The following CAPN2 variants were observed in gnomAD, a reference collection of about 807,000 sequenced individuals.
The protein encoded by CAPN2 is calpain-2 catalytic subunit.
A neutral mutation model predicts 102.3 loss-of-function variants in CAPN2; 92 were observed. The observed-to-expected ratio is 0.90, with a 90% CI of 0.76 to 1.07. CAPN2 has a LOEUF of 1.07. CAPN2 is among the 50% of genes least tolerant of loss of function. CAPN2 has a pLI of 0.00. For synonymous variants in CAPN2, 340 were observed against 355.4 expected (o/e 0.96, Z 0.49); for missense variants, 800 against 909.4 (o/e 0.88, Z 1.55).
chr1:223,712,580 C>A lies in CAPN2; in HGVS notation c.-61C>A, dbSNP rs545286774. 9.1e-6 allele frequency: 13 copies of A among 1,425,470 alleles called. No homozygotes were observed. The highest frequency in any genetic ancestry group is 1.2e-5 in the Non-Finnish European group (13 of 1,090,546). 88.3% of individuals were successfully genotyped at this position (1,425,470 alleles called of 1,614,324 possible). On this transcript the variant is annotated 5_prime_UTR_variant, in exon 1 of 21. Coordinates refer to ENST00000295006, the MANE Select transcript of CAPN2 (RefSeq NM_001748.5). Reference sequence around the variant, plus strand: ...CGCCGGGCCCTGGCCGCGCCCCAGCCGAGCGCAGCGCGGAGTCGCCCCGAC... The same window carrying A: ...CGCCGGGCCCTGGCCGCGCCCCAGCAGAGCGCAGCGCGGAGTCGCCCCGAC...
At chr1:223,749,235 C>G in intron 6 of CAPN2, 113 bp downstream of exon 6, 1 of 883,884 alleles carries the variant, frequency 1.1e-6, no homozygotes, top group Non-Finnish European at 1.8e-6. Flanking sequence ...CCAGTTTACA[C>G]TCGGGCCCCG....
intron 4 of CAPN2, 145 bp from the exon 5 acceptor site, chr1:223,746,851 AC>A: frequency 1.7e-6 from 1 of 577,172 alleles, no homozygotes; most frequent in Non-Finnish European, 2.9e-6. Flanking sequence ...CTTCCTGAGC[AC>A]CCCGAGCTGG....
rs1382399761 is a variant in CAPN2, at chr1:223,759,455, C to A, written c.1503C>A (p.Val501=). ...PNKDGDFCIR[V]FSEKKADYQA... ...AGGATGGGGATTTCTGCATCCGGGT[C>A]TTTTCTGAAAAGAAAGCTGACTACC... Residue 501 remains valine (V), a synonymous_variant, in exon 12 of 21, where the codon GTC becomes GTA. Transcript: ENST00000295006. This position sits in a 1 kb window ranked among gnomAD's most constrained non-coding sequence, Gnocchi z 4.6. 35 of 1,614,102 alleles carry A rather than the reference C, an allele frequency of 2.2e-5. No individual in the cohort carries two copies. The highest frequency in any genetic ancestry group is 2.8e-5 in the Non-Finnish European group (33 of 1,180,020).
At chr1:223,751,875 T>C in intron 7 of CAPN2, 122 bp from the exon 8 acceptor site, 1 of 679,980 alleles carries the variant, frequency 1.5e-6, no homozygotes. Flanking sequence ...TGTGGGCTAC[T>C]TTCCCCCTTT....
chr1:223,766,781 G>A (rs997381233), intron 16 of CAPN2, among the ~76,000 whole-genome samples: 8 of 152,168 alleles, frequency 5.3e-5, no homozygotes, highest in African/African-American at 1.7e-4. Flanking sequence ...CCAACATGGT[G>A]AAACCTTGTC....
chr1:223,738,184 G>T (rs922331289), intron 2 of CAPN2, among the ~76,000 whole-genome samples: 1 of 151,630 alleles, frequency 6.6e-6, no homozygotes, highest in African/African-American at 2.4e-5. Context: ...GTGAGACGGG[G>T]TCTTGTTCTG....
At chr1:223,747,265 A>C (rs1660772784) in intron 5 of CAPN2, 100 bp downstream of exon 5, 2 of 1,194,908 alleles carry the variant, frequency 1.7e-6, no homozygotes, top group Non-Finnish European at 2.3e-6. Context: ...TGTACAACGT[A>C]ATGCAGCCCT....
intron 15 of CAPN2, among the ~76,000 whole-genome samples, chr1:223,766,140 TA>T (rs747361205): frequency 6.6e-6 from 1 of 152,220 alleles, no homozygotes; most frequent in Non-Finnish European, 1.5e-5. Context: ...AAGCACTTTT[TA>T]AAGCCCTGTT....
chr1:223,748,487 CAG>C (rs1265895810), intron 5 of CAPN2, among the ~76,000 whole-genome samples: 2 of 152,250 alleles, frequency 1.3e-5, no homozygotes, highest in African/African-American at 4.8e-5. Context: ...GTTCTTAAAA[CAG>C]AAGCAAATTC....
chr1:223,707,858 A>G (rs189109410), upstream of CAPN2, among the ~76,000 whole-genome samples: 1,212 of 152,182 alleles, frequency 8.0e-3, 17 homozygotes, highest in African/African-American at 0.027. Context: ...GAGGGAAATG[A>G]CCTCCACCTG....
At position 223,750,962 on chromosome 1, in the gene CAPN2, C is replaced by T. The variant is rs895319648; in HGVS notation, c.886C>T (p.Arg296Trp). 14 of 1,551,946 alleles carry T rather than the reference C, an allele frequency of 9.0e-6. No homozygotes were observed. The highest frequency in any genetic ancestry group is 3.6e-5 in the South Asian group (3 of 84,070). Residue 296 changes from arginine (R) to tryptophan (W), a missense_variant, in exon 7 of 21, where the codon CGG (arginine) becomes TGG (tryptophan). Transcript: ENST00000295006. ...CTGGGGAGAAGTGGAGTGGACAGGG[C>T]GGTGGAATGACAAGTGAGGAGGGCG... is the stretch of plus-strand genomic sequence containing the variant. ...NPWGEVEWTGRWNDNCPSWNT... is the reference protein window; with the variant it reads ...NPWGEVEWTGWWNDNCPSWNT...
chr1:223,769,138 G>C (rs1029705943), intron 16 of CAPN2, among the ~76,000 whole-genome samples: 10 of 152,038 alleles, frequency 6.6e-5, no homozygotes, highest in Non-Finnish European at 1.5e-5. Context: ...TTGGTTTTTT[G>C]AGACGGGGTC....
intron 13 of CAPN2, 143 bp downstream of exon 13, chr1:223,761,760 G>A (rs1661191629): frequency 2.9e-6 from 2 of 682,964 alleles, no homozygotes; most frequent in Admixed American, 2.3e-5. Flanking sequence ...TCCAAGAGTC[G>A]ACTACCTGCA....
chr1:223,742,770 C>A (rs1007045723), intron 2 of CAPN2, among the ~76,000 whole-genome samples: 4 of 152,178 alleles, frequency 2.6e-5, no homozygotes, highest in Non-Finnish European at 4.4e-5. Context: ...ACCCACTGAC[C>A]TTGGCCTCCC....
At chr1:223,757,310 T>A in intron 10 of CAPN2, 59 bp from the exon 11 acceptor site, 4 of 1,589,068 alleles carry the variant, frequency 2.5e-6, no homozygotes. Flanking sequence ...AAGAGCACAG[T>A]GATGCATTTT....
rs771610379 is a variant in CAPN2 at position 223,770,484 on chromosome 1, C to T, written c.1862C>T (p.Thr621Ile). 1 of 1,613,668 alleles carries T rather than the reference C, an allele frequency of 6.2e-7. No homozygotes were observed. Among genetic ancestry groups the T allele is most frequent in the Non-Finnish European group, 8.5e-7 (1 of 1,179,764 alleles). Residue 621 changes from threonine to isoleucine, a missense_variant, in exon 18 of 21, where the codon ACC becomes ATC. By Grantham distance (89) the Thr-to-Ile change is moderately conservative. Transcript: ENST00000295006. ...GAAATCGACGTTGACAGGTCTGGTA[C>T]CATGAATTCCTATGAAATGCGGAAG... ...YREIDVDRSGTMNSYEMRKAL... is the reference protein window; with the variant it reads ...YREIDVDRSGIMNSYEMRKAL...
At chr1:223,743,028 C>T (rs550164883) in intron 2 of CAPN2, among the ~76,000 whole-genome samples, 1 of 152,162 alleles carries the variant, frequency 6.6e-6, no homozygotes, top group Non-Finnish European at 1.5e-5. Flanking sequence ...CCCTGCAAAC[C>T]ATCTGGGTGC....
Position 223,712,773 on chromosome 1 carries a change from C to A in CAPN2, c.133C>A (p.Leu45Ile). 3 of 1,580,420 alleles carry A rather than the reference C, an allele frequency of 1.9e-6. No individual in the cohort carries two copies. The highest frequency in any genetic ancestry group is 2.6e-6 in the Non-Finnish European group (3 of 1,165,600). The change falls in exon 1 of 21, where the codon CTC becomes ATC. Residue 45 changes from leucine to isoleucine, a missense_variant. By Grantham distance (5) the Leu-to-Ile change is conservative. Coordinates refer to ENST00000295006, the MANE Select transcript of CAPN2 (RefSeq NM_001748.5). ...LRNECLEAGT[L>I]FQDPSFPAIP... is the part of the protein sequence containing the mutation. ...GAACGAGTGCCTGGAGGCCGGGACG[C>A]TCTTCCAGGACCCGTCCTTCCCGGC...
chr1:223,733,654 C>A (rs1660383972), intron 2 of CAPN2, among the ~76,000 whole-genome samples: 1 of 152,142 alleles, frequency 6.6e-6, no homozygotes, highest in South Asian at 2.1e-4. Flanking sequence ...TTATCCAGGT[C>A]ACGTGAGTCT....
Sources: gnomAD v4.1 joint callset for allele counts (sites outside exome capture counted in the v4.1 genomes callset) on GRCh38, gnomAD v4.1.1 for gene constraint, Gnocchi (gnomAD v3.1) non-coding constraint, MANE v1.5 for transcripts, NCBI Gene and HGNC (gene_info 2026-07-23, HGNC 2026-07-21) for gene names.